PDE10A: variants seen among roughly 807,000 people sequenced by gnomAD.
The protein encoded by PDE10A is cAMP and cAMP-inhibited cGMP 3',5'-cyclic phosphodiesterase 10A.
A neutral mutation model predicts 97.7 loss-of-function variants in PDE10A; 39 were observed. That is an observed-to-expected ratio of 0.40 (90% CI 0.31 to 0.52). PDE10A has a LOEUF of 0.52. Among genes scored for constraint, PDE10A ranks in the 20% least tolerant of loss-of-function variants. The probability of loss-of-function intolerance (pLI) is 0.56; values close to 1 mark genes in which losing one functional copy is unlikely to be tolerated. For missense variants in PDE10A, 731 were observed against 1,047.8 expected, an observed-to-expected ratio of 0.70 and a Z score of 4.17; for synonymous variants, 371 against 376.8, an observed-to-expected ratio of 0.98 and a Z score of 0.18.
intron 13 of PDE10A, among the ~76,000 whole-genome samples, chr6:165,403,345 C>G (rs1042403975): frequency 2.8e-4 from 42 of 152,160 alleles, no homozygotes; most frequent in African/African-American, 9.9e-4. Flanking sequence ...CATTTCTTCC[C>G]AACTCTGCAT....
At chr6:165,699,150 A>G (rs1310844423) in intron 1 of PDE10A, among the ~76,000 whole-genome samples, 1 of 152,238 alleles carries the variant, frequency 6.6e-6, no homozygotes, top group Non-Finnish European at 1.5e-5. Flanking sequence ...GATGAAAAAG[A>G]TATATCATAG....
At chr6:165,699,430 A>G (rs1440874544) in intron 1 of PDE10A, among the ~76,000 whole-genome samples, 1 of 152,222 alleles carries the variant, frequency 6.6e-6, no homozygotes, top group Non-Finnish European at 1.5e-5. Flanking sequence ...ATGAGTAGAA[A>G]AATGAGACAG....
intron 1 of PDE10A, among the ~76,000 whole-genome samples, chr6:165,946,457 G>T (rs1783769079): frequency 6.7e-6 from 1 of 149,990 alleles, no homozygotes; most frequent in South Asian, 2.1e-4. Context: ...TTGCGCCACT[G>T]CACTCCAGCC....
At chr6:165,710,886 T>C (rs1001626328) in intron 1 of PDE10A, among the ~76,000 whole-genome samples, 10 of 152,240 alleles carry the variant, frequency 6.6e-5, no homozygotes, top group African/African-American at 2.4e-4. Context: ...AAAATACCCA[T>C]GTCTTTCCTA....
At chr6:165,693,966 T>C (rs913572184) in intron 1 of PDE10A, among the ~76,000 whole-genome samples, 1 of 152,232 alleles carries the variant, frequency 6.6e-6, no homozygotes, top group African/African-American at 2.4e-5. Flanking sequence ...TTTCTTTTTA[T>C]AAAATTTATT....
intron 18 of PDE10A, among the ~76,000 whole-genome samples, chr6:165,367,752 T>A (rs1048261220): frequency 6.6e-6 from 1 of 150,792 alleles, no homozygotes; most frequent in East Asian, 2.0e-4. Flanking sequence ...CTAAGTCCAG[T>A]GAAAATATCT....
intron 2 of PDE10A, among the ~76,000 whole-genome samples, chr6:165,520,407 T>C (rs1205421901): frequency 3.3e-5 from 5 of 152,166 alleles, no homozygotes; most frequent in African/African-American, 7.2e-5. Context: ...ATTAGTAATA[T>C]GTATAACATC....
Position 165,735,016 on chromosome 6 carries a change from GGTAGGTAGT to G in PDE10A, c.-614-191457_-614-191449del, listed in dbSNP as rs1457557233. 9.2e-3 allele frequency among the ~76,000 whole-genome samples: 1,218 copies of G among 131,992 alleles called. 13 individuals carry two copies. The highest frequency in any genetic ancestry group is 0.022 in the African/African-American group (567 of 25,768). 86.6% of individuals were successfully genotyped at this position (131,992 alleles called of 152,430 possible). A position where few individuals can be genotyped will look rare whatever the true frequency, so the allele number is the denominator to read the frequency against. On this transcript the variant is annotated intron_variant, in intron 1 of 19. Coordinates refer to the PDE10A transcript ENST00000366882. ...TAGTAGGTAGGTAGGTAGGTAGATA[GGTAGGTAGT>G]TAGGTAGGTAGATAGATAATAGGGA...
At chr6:165,714,162 C>T (rs1791970309) in intron 1 of PDE10A, among the ~76,000 whole-genome samples, 1 of 152,234 alleles carries the variant, frequency 6.6e-6, no homozygotes. Flanking sequence ...CATTTGGAAA[C>T]TCCTGGGTAC....
rs1583361055 is a variant in PDE10A at position 165,476,005 on chromosome 6, C to T, written c.1023+6310G>A. ...GTGCCACCGACGCTCACTATCCAGC[C>T]CTCCAACACACTAAACAGGAGGATG... On this transcript the variant is annotated intron_variant, in intron 3 of 21. Coordinates refer to ENST00000539869, the MANE Select transcript of PDE10A (RefSeq NM_001385079.1). 1.3e-5 allele frequency among the ~76,000 whole-genome samples: 2 copies of T among 152,190 alleles called. 1 individual carries two copies. Among genetic ancestry groups the T allele is most frequent in the South Asian group, 4.2e-4 (2 of 4,818 alleles).
At chr6:165,735,417 G>T (rs960242632) in intron 1 of PDE10A, among the ~76,000 whole-genome samples, 4 of 151,984 alleles carry the variant, frequency 2.6e-5, no homozygotes, top group Admixed American at 6.5e-5. Flanking sequence ...TACATAGGTA[G>T]ATAGGTAGGT....
chr6:165,390,109 C>G (rs1336735150), intron 16 of PDE10A, among the ~76,000 whole-genome samples: 2 of 152,122 alleles, frequency 1.3e-5, no homozygotes, highest in Non-Finnish European at 2.9e-5. Flanking sequence ...GGGGAACAGA[C>G]TGCATGGTCT....
At chr6:165,755,071 G>C (rs1300935781) in intron 1 of PDE10A, among the ~76,000 whole-genome samples, 1 of 152,046 alleles carries the variant, frequency 6.6e-6, no homozygotes, top group Non-Finnish European at 1.5e-5. Flanking sequence ...TATGGAGAGG[G>C]ACACACTCTT....
intron 3 of PDE10A, among the ~76,000 whole-genome samples, chr6:165,459,889 G>A (rs544007258): frequency 9.9e-5 from 15 of 152,274 alleles, no homozygotes; most frequent in Admixed American, 7.2e-4. Context: ...AAAAATCAGC[G>A]AGTCAGGCCG....
intron 1 of PDE10A, among the ~76,000 whole-genome samples, chr6:165,878,708 T>C (rs1781405326): frequency 6.6e-6 from 1 of 152,170 alleles, no homozygotes; most frequent in Non-Finnish European, 1.5e-5. Context: ...TGAGCAGTCC[T>C]GAGACGGCGA....
At chr6:165,516,681 C>T (rs1323402684) in intron 2 of PDE10A, among the ~76,000 whole-genome samples, 17 of 152,124 alleles carry the variant, frequency 1.1e-4, no homozygotes. Flanking sequence ...GCTTCTGGGG[C>T]TTATGAATAG....
At chr6:165,345,393 T>A (rs1232485272) in intron 18 of PDE10A, among the ~76,000 whole-genome samples, 2 of 152,226 alleles carry the variant, frequency 1.3e-5, no homozygotes, top group Non-Finnish European at 2.9e-5. Flanking sequence ...AAATTTGGCA[T>A]CAAATGTCTT....
chr6:165,697,994 C>T (rs1166824719), intron 1 of PDE10A, among the ~76,000 whole-genome samples: 1 of 152,192 alleles, frequency 6.6e-6, no homozygotes, highest in Non-Finnish European at 1.5e-5. Flanking sequence ...CTGCCAACCC[C>T]TAGAATGAGC....
At chr6:165,891,904 A>G (rs1032490926) in intron 1 of PDE10A, among the ~76,000 whole-genome samples, 4 of 151,356 alleles carry the variant, frequency 2.6e-5, no homozygotes, top group Non-Finnish European at 5.9e-5. Flanking sequence ...ATAATCACAA[A>G]CTCTGAATGG....
Sources: allele counts gnomAD v4.1 joint callset (sites outside exome capture counted in the v4.1 genomes callset), GRCh38; gene constraint gnomAD v4.1.1; transcripts MANE v1.5; gene names NCBI Gene and HGNC (gene_info 2026-07-23, HGNC 2026-07-21).